VSTM4: variants seen among roughly 807,000 people sequenced by gnomAD.
VSTM4 encodes the protein V-set and transmembrane domain-containing protein 4.
In VSTM4, 20 loss-of-function variants were observed where a neutral mutation model predicts 36.4. That is an observed-to-expected ratio of 0.55 (90% confidence interval 0.39 to 0.80). The LOEUF (loss-of-function observed/expected upper bound fraction) is 0.80. Among genes scored for constraint, VSTM4 ranks in the 30% least tolerant of loss-of-function variants. The pLI, the probability that VSTM4 is intolerant of heterozygous loss-of-function variation, is 0.00. For missense variants in VSTM4, 392 were observed against 404.5 expected, an observed-to-expected ratio of 0.97 and a Z score of 0.26; for synonymous variants, 182 against 173.9, an observed-to-expected ratio of 1.05 and a Z score of -0.37.
chr10:49,084,824 C>T lies in VSTM4; in HGVS notation c.526+1131G>A, dbSNP rs1300936407. ...ACCCACTTTATGATAATAATTTCTCCGAACTTTCCTTACTCCAAGACAGGG... is the reference window on the plus strand; with the variant it reads ...ACCCACTTTATGATAATAATTTCTCTGAACTTTCCTTACTCCAAGACAGGG... On this transcript the variant is annotated intron_variant, in intron 3 of 7. Coordinates refer to ENST00000332853, the MANE Select transcript of VSTM4 (RefSeq NM_001031746.5). Among the ~76,000 whole-genome samples, 6 of 152,174 alleles carry T rather than the reference C, an allele frequency of 3.9e-5. No individual in the cohort carries two copies. The South Asian group carries it at 1.0e-3, about 26-fold the overall frequency.
At chr10:49,033,762 T>C (rs929810561) in intron 7 of VSTM4, among the ~76,000 whole-genome samples, 3 of 152,192 alleles carry the variant, frequency 2.0e-5, no homozygotes, top group African/African-American at 7.2e-5. Flanking sequence ...CTCTAACTCA[T>C]CTGTGAAATG....
intron 5 of VSTM4, among the ~76,000 whole-genome samples, chr10:49,052,615 T>C (rs933068322): frequency 2.2e-4 from 34 of 152,204 alleles, no homozygotes; most frequent in Admixed American, 2.2e-3. Context: ...TTTTAATTTG[T>C]TTTTGCTAAA....
intron 3 of VSTM4, among the ~76,000 whole-genome samples, chr10:49,085,533 C>A (rs1844354865): frequency 6.6e-6 from 1 of 152,186 alleles, no homozygotes; most frequent in African/African-American, 2.4e-5. Context: ...AGTAGGAATT[C>A]TGGAGCAAAA....
At chr10:49,087,974 CAT>C (rs1564589378) in intron 2 of VSTM4, among the ~76,000 whole-genome samples, 89 of 130,754 alleles carry the variant, frequency 6.8e-4, no homozygotes, top group African/African-American at 3.4e-3. Context: ...TGTATATATA[CAT>C]ATGTAATATA....
intron 7 of VSTM4, among the ~76,000 whole-genome samples, chr10:49,037,007 C>T (rs1222614521): frequency 6.6e-6 from 1 of 152,194 alleles, no homozygotes; most frequent in Non-Finnish European, 1.5e-5. Context: ...TGGCCAAGTG[C>T]TACACTAGGA....
chr10:49,046,637 A>G (rs1258835423), intron 7 of VSTM4, among the ~76,000 whole-genome samples: 2 of 152,196 alleles, frequency 1.3e-5, no homozygotes. Flanking sequence ...GCTATGACAT[A>G]TTTTCTGGAA....
At chr10:49,106,976 C>G (rs540626887) in intron 2 of VSTM4, among the ~76,000 whole-genome samples, 1 of 152,354 alleles carries the variant, frequency 6.6e-6, no homozygotes, top group East Asian at 1.9e-4. Context: ...GAAGACAAAA[C>G]CCCCATCTCC....
At chr10:49,035,267 G>A (rs189960544) in intron 7 of VSTM4, among the ~76,000 whole-genome samples, 1 of 152,298 alleles carries the variant, frequency 6.6e-6, no homozygotes, top group East Asian at 1.9e-4. Context: ...CTGGCACCTT[G>A]CCCCCTGCCT....
Position 49,082,797 on chromosome 10 carries a change from A to T in VSTM4, c.526+3158T>A, listed in dbSNP as rs549212858. On this transcript the variant is annotated intron_variant, in intron 3 of 7. Coordinates refer to ENST00000332853, the MANE Select transcript of VSTM4 (RefSeq NM_001031746.5). Reference sequence around the variant, plus strand: ...TTTGTCTTTTGCCATTGAACTTCCAAAGGCATCACTGCCATTTTTAGACTC... The same window carrying T: ...TTTGTCTTTTGCCATTGAACTTCCATAGGCATCACTGCCATTTTTAGACTC... 3.9e-5 allele frequency among the ~76,000 whole-genome samples: 6 copies of T among 152,372 alleles called. No individual in the cohort carries two copies. In the South Asian group the frequency reaches 1.2e-3, roughly 32 times the overall value.
chr10:49,039,404 T>C (rs771178613), intron 7 of VSTM4, among the ~76,000 whole-genome samples: 5 of 152,054 alleles, frequency 3.3e-5, no homozygotes, highest in Non-Finnish European at 7.4e-5. Context: ...GATGAAGCTG[T>C]GTTTTAGAAA....
chr10:49,047,158 A>C, intron 6 of VSTM4, 114 bp from the exon 7 acceptor site: 1 of 1,067,306 alleles, frequency 9.4e-7, no homozygotes, highest in East Asian at 2.4e-5. Flanking sequence ...TCCTGGTCCC[A>C]TGGAAGAACT....
chr10:49,068,487 G>A (rs1275896729), intron 4 of VSTM4, among the ~76,000 whole-genome samples: 1 of 152,152 alleles, frequency 6.6e-6, no homozygotes, highest in Non-Finnish European at 1.5e-5. Context: ...GCTTGCTGAG[G>A]CACCGTTCTG....
At chr10:49,039,655 T>C (rs561173244) in intron 7 of VSTM4, among the ~76,000 whole-genome samples, 1 of 152,230 alleles carries the variant, frequency 6.6e-6, no homozygotes, top group South Asian at 2.1e-4. Context: ...TGACCCATTG[T>C]GGAGGAGGGC....
intron 2 of VSTM4, among the ~76,000 whole-genome samples, chr10:49,087,740 CT>C (rs1462658623): frequency 6.6e-6 from 1 of 152,066 alleles, no homozygotes; most frequent in African/African-American, 2.4e-5. Flanking sequence ...CATAGCTTCT[CT>C]CAACTAGCAC....
intron 2 of VSTM4, among the ~76,000 whole-genome samples, chr10:49,105,841 G>GTATATA (rs34327380): frequency 6.7e-5 from 10 of 149,450 alleles, no homozygotes; most frequent in African/African-American, 2.2e-4. Flanking sequence ...ATGTGTGTGT[G>GTATATA]TATATATATA....
chr10:49,023,588 C>G (rs1051096307), intron 7 of VSTM4, among the ~76,000 whole-genome samples: 1 of 152,166 alleles, frequency 6.6e-6, no homozygotes, highest in Non-Finnish European at 1.5e-5. Context: ...TGACGAGGAG[C>G]CTGTTGCAAA....
rs1269523917 is a variant in VSTM4, at chr10:49,085,974, C to T, written c.507G>A (p.Glu169=). Residue 169 remains glutamate (E), a synonymous_variant, in exon 3 of 8, where the codon GAG becomes GAA. Transcript: ENST00000332853. ...CTTTACCTTCAAAAAATGCCCAAGT[C>T]TCTTTTGTTTTCTCAAAGGATGACT... ...SEESSFEKTK[E]TWAFFEDLYV... 6 of 1,592,946 alleles carry T rather than the reference C, an allele frequency of 3.8e-6. No homozygotes were observed. In the East Asian group the frequency reaches 1.3e-4, roughly 36 times the overall value.
At chr10:49,040,402 C>A (rs1379143173) in intron 7 of VSTM4, among the ~76,000 whole-genome samples, 1 of 152,148 alleles carries the variant, frequency 6.6e-6, no homozygotes, top group Non-Finnish European at 1.5e-5. Flanking sequence ...CCTGCCTCAG[C>A]CTCCTAAGTA....
intron 4 of VSTM4, among the ~76,000 whole-genome samples, chr10:49,076,083 T>C (rs1844172986): frequency 6.6e-6 from 1 of 152,178 alleles, no homozygotes; most frequent in Non-Finnish European, 1.5e-5. Context: ...GTACTTGTCA[T>C]TGGATGTGTC....
Sources: gnomAD v4.1 joint callset for allele counts (sites outside exome capture counted in the v4.1 genomes callset) on GRCh38, gnomAD v4.1.1 for gene constraint, MANE v1.5 for transcripts, NCBI Gene and HGNC (gene_info 2026-07-23, HGNC 2026-07-21) for gene names.